SIAE: variants seen among roughly 807,000 people sequenced by gnomAD.
SIAE encodes sialic acid acetylesterase, also known as sialate O-acetylesterase.
In SIAE, 39 loss-of-function variants were observed where a neutral mutation model predicts 52.6. The ratio of observed to expected loss-of-function variants is 0.74; its 90% CI spans 0.57 to 0.97. The LOEUF is 0.97. Ranked by LOEUF, SIAE falls within the 50% of genes least tolerant of loss-of-function variation. The pLI is 0.00. For missense variants in SIAE, 592 were observed against 662.1 expected, an observed-to-expected ratio of 0.89 and a Z score of 1.16; for synonymous variants, 233 against 241.4, an observed-to-expected ratio of 0.97 and a Z score of 0.32.
rs546357996 is a variant in SIAE, at chr11:124,669,224, T to C, written c.229+136A>G. On this transcript the variant is annotated intron_variant, in intron 2 of 9. Coordinates refer to ENST00000263593, the MANE Select transcript of SIAE (RefSeq NM_170601.5). ...CCTAAGCACATGGCAAATATTCAAA[T>C]AACTTTTATGGATGAATGGACAGAC... is the stretch of plus-strand genomic sequence containing the variant. 15 of 1,195,180 alleles carry C rather than the reference T, an allele frequency of 1.3e-5. No individual in the cohort carries two copies. The South Asian group carries it at 1.9e-4, about 15-fold the overall frequency. The allele number at this position is 1,195,180 out of a possible 1,614,324, so 74.0% of individuals were successfully genotyped here. A position where few individuals can be genotyped will look rare whatever the true frequency, so the allele number is the denominator to read the frequency against.
At chr11:124,639,180 T>G (rs56092447) in intron 8 of SIAE, among the ~76,000 whole-genome samples, 4,600 of 152,308 alleles carry the variant, frequency 0.03, 237 homozygotes, top group African/African-American at 0.1. Flanking sequence ...CACTGTGTGT[T>G]GGACTCTGTT....
At chr11:124,659,148 A>G (rs758049929) in intron 3 of SIAE, 5 of 152,236 alleles carry the variant, frequency 3.3e-5, no homozygotes, top group African/African-American at 4.8e-5. Context: ...TTAACAATCA[A>G]AATCTAATTT....
chr11:124,654,601 A>C, intron 4 of SIAE, 54 bp downstream of exon 4: 1 of 1,613,708 alleles, frequency 6.2e-7, no homozygotes, highest in Non-Finnish European at 8.5e-7. Context: ...TACAGATTCC[A>C]CTTAGGGCGC....
chr11:124,666,320 C>G (rs1943272968), intron 2 of SIAE, among the ~76,000 whole-genome samples: 1 of 152,090 alleles, frequency 6.6e-6, no homozygotes, highest in South Asian at 2.1e-4. Context: ...AAATCTAAAC[C>G]AGAAATCCAC....
chr11:124,642,735 A>T (rs1018340039), intron 7 of SIAE, among the ~76,000 whole-genome samples: 2 of 152,244 alleles, frequency 1.3e-5, no homozygotes, highest in Admixed American at 6.5e-5. Context: ...TGTATATGGC[A>T]AAAGTGAAGG....
intron 4 of SIAE, 117 bp downstream of exon 4, chr11:124,654,538 G>A (rs748865868): frequency 8.1e-5 from 130 of 1,602,186 alleles, no homozygotes; most frequent in Middle Eastern, 3.3e-4. Flanking sequence ...AATAAGAAAG[G>A]AATAAAAGGC....
In SIAE at chr11:124,645,767, G is replaced by A. The variant is rs1942922490; in HGVS notation, c.966+1598C>T. Among the ~76,000 whole-genome samples the A allele has an allele frequency of 6.6e-6, 1 of 152,228 alleles. No individual in the cohort carries two copies. The highest frequency in any genetic ancestry group is 1.5e-5 in the Non-Finnish European group (1 of 68,040). On this transcript the variant is annotated intron_variant, in intron 7 of 9. Coordinates refer to ENST00000263593, the MANE Select transcript of SIAE (RefSeq NM_170601.5). This position sits in a 1 kb window ranked among gnomAD's most constrained non-coding sequence, Gnocchi z 4.7. ...AAGTGTAGTTTCCACCAACAGGGAT[G>A]CAGAACTGGTGACAGGAGCTGCTAC... is the stretch of plus-strand genomic sequence containing the variant.
rs535244734 is a variant in SIAE, at chr11:124,636,327, A to C, written c.*624T>G. 89 of 157,344 alleles carry C rather than the reference A, an allele frequency of 5.7e-4. No homozygotes were observed. Among genetic ancestry groups the C allele is most frequent in the Non-Finnish European group, 1.1e-3 (80 of 70,680 alleles). 9.7% of individuals were successfully genotyped at this position (157,344 alleles called of 1,614,324 possible). A position where few individuals can be genotyped will look rare whatever the true frequency, so the allele number is the denominator to read the frequency against. On this transcript the variant is annotated 3_prime_UTR_variant, in exon 10 of 10. Transcript: ENST00000263593. ...GAGAATACAAAGAGATCTGTCTTCA[A>C]TTATCTGATAGTAGTAAAGTTTCAC...
In SIAE at chr11:124,673,019, G is replaced by GC. The variant is rs559015633; in HGVS notation, c.67+622dup. On this transcript the variant is annotated intron_variant, in intron 1 of 9. Coordinates refer to ENST00000263593, the MANE Select transcript of SIAE (RefSeq NM_170601.5). ...ATTCGAATGGCAAGATCTGACCTGC[G>GC]CAACAGCCAAAGGGAGCCACCAGCC... Among the ~76,000 whole-genome samples, 292 of 152,218 alleles carry GC rather than the reference G, an allele frequency of 1.9e-3. 1 individual carries two copies. The highest frequency in any genetic ancestry group is 3.3e-3 in the Non-Finnish European group (222 of 68,016).
chr11:124,656,180 G>A (rs1351436983), intron 3 of SIAE, among the ~76,000 whole-genome samples: 1 of 151,996 alleles, frequency 6.6e-6, no homozygotes, highest in Non-Finnish European at 1.5e-5. Flanking sequence ...CCAATCTCAA[G>A]CAACTTCAGA....
chr11:124,638,441 G>T, intron 9 of SIAE, 101 bp downstream of exon 9: 1 of 1,315,308 alleles, frequency 7.6e-7, no homozygotes, highest in Non-Finnish European at 1.1e-6. Context: ...AACCAACCAA[G>T]ACCCGCCACA....
chr11:124,647,959 A>G lies in SIAE; in HGVS notation c.832+107T>C, dbSNP rs1942964591. On this transcript the variant is annotated intron_variant, in intron 6 of 9. Coordinates refer to ENST00000263593, the MANE Select transcript of SIAE (RefSeq NM_170601.5). ...GCTCACCCACAGAACAGTGAGCTGA[A>G]TAAAATTATAAAGTTATTGTTGCTT... 5 of 905,354 alleles carry G rather than the reference A, an allele frequency of 5.5e-6. No individual in the cohort carries two copies. In the South Asian group the frequency reaches 6.8e-5, roughly 12 times the overall value. 56.1% of individuals were successfully genotyped at this position (905,354 alleles called of 1,614,324 possible). A position where few individuals can be genotyped will look rare whatever the true frequency, so the allele number is the denominator to read the frequency against.
upstream of SIAE, chr11:124,676,043 T>C (rs1943459438): frequency 6.6e-6 from 1 of 152,214 alleles, no homozygotes; most frequent in African/African-American, 2.4e-5. Context: ...TAACAATAAC[T>C]ATTTGGTTGA....
intron 2 of SIAE, among the ~76,000 whole-genome samples, chr11:124,664,457 A>G (rs1303167173): frequency 6.6e-6 from 1 of 152,022 alleles, no homozygotes; most frequent in Non-Finnish European, 1.5e-5. Flanking sequence ...GATGGTCTCG[A>G]TCTCCTGACC....
chr11:124,637,255 A>C (rs776538893), intron 9 of SIAE, 53 bp from the exon 10 acceptor site: 49 of 1,611,860 alleles, frequency 3.0e-5, no homozygotes, highest in Non-Finnish European at 3.9e-5. Flanking sequence ...GTCTTCCAAG[A>C]AACTGGGCAC....
chr11:124,658,695 T>C (rs1243588976), intron 3 of SIAE, among the ~76,000 whole-genome samples: 1 of 152,202 alleles, frequency 6.6e-6, no homozygotes, highest in Non-Finnish European at 1.5e-5. Context: ...CAATCTGCCA[T>C]TTCCTTGATT....
Position 124,636,122 on chromosome 11 carries a change from T to G in SIAE, c.*829A>C, listed in dbSNP as rs879137423. ...TTCCTAAGCCAGAGTTTCCCACGCC[T>G]CCTGTTCCTGGCAGCCCAAGTGCCT... On this transcript the variant is annotated 3_prime_UTR_variant, in exon 10 of 10. Coordinates refer to ENST00000263593, the MANE Select transcript of SIAE (RefSeq NM_170601.5). The G allele has an allele frequency of 5.9e-5, 9 of 152,234 alleles. No homozygotes were observed. Among genetic ancestry groups the G allele is most frequent in the Admixed American group, 2.0e-4 (3 of 15,278 alleles). The allele number at this position is 152,234 out of a possible 1,614,324, so 9.4% of individuals were successfully genotyped here.
At chr11:124,639,991 G>A in intron 7 of SIAE, 124 bp from the exon 8 acceptor site, 1 of 1,149,382 alleles carries the variant, frequency 8.7e-7, no homozygotes, top group Non-Finnish European at 1.3e-6. Flanking sequence ...CGTATTTACT[G>A]AGCTTCTTAC....
At chr11:124,658,159 C>T (rs1052787283) in intron 3 of SIAE, among the ~76,000 whole-genome samples, 5 of 152,036 alleles carry the variant, frequency 3.3e-5, no homozygotes, top group Admixed American at 6.6e-5. Flanking sequence ...AATGAAGACA[C>T]GTCAAGAATC....
Sources: gnomAD v4.1 joint callset for allele counts (sites outside exome capture counted in the v4.1 genomes callset) on GRCh38, gnomAD v4.1.1 for gene constraint, Gnocchi (gnomAD v3.1) non-coding constraint, MANE v1.5 for transcripts, NCBI Gene and HGNC (gene_info 2026-07-23, HGNC 2026-07-21) for gene names.